DLGAP3: variants seen among roughly 807,000 people sequenced by gnomAD.
DLGAP3 encodes the protein DLG associated protein 3.
Under a neutral mutation model 81.2 loss-of-function variants are expected in DLGAP3, and 17 were observed. The observed-to-expected ratio is 0.21, with a 90% CI of 0.14 to 0.31. The LOEUF (loss-of-function observed/expected upper bound fraction) is 0.31. Ranked by LOEUF, DLGAP3 falls within the 10% of genes least tolerant of loss-of-function variation. DLGAP3 has a pLI of 1.00. For missense variants in DLGAP3, 1,124 were observed against 1,388.0 expected (o/e 0.81, Z 3.02); for synonymous variants, 577 against 587.4 (o/e 0.98, Z 0.26).
At position 34,929,140 on chromosome 1, in the gene DLGAP3, C is replaced by T. The variant is rs1639918357; in HGVS notation, c.-135+311G>A. ...CCCACAACCAGCTGGCTACTCCCTC[C>T]CAGACCCGAGCCTCCAGCCGGGCGA... On this transcript the variant is annotated intron_variant, in intron 1 of 11. Coordinates refer to ENST00000373347, the MANE Select transcript of DLGAP3 (RefSeq NM_001080418.3). This position sits in a 1 kb window ranked among gnomAD's most constrained non-coding sequence, Gnocchi z 6.5. Among the ~76,000 whole-genome samples, 1 of 152,006 alleles carries T rather than the reference C, an allele frequency of 6.6e-6. No homozygotes were observed. The highest frequency in any genetic ancestry group is 1.5e-5 in the Non-Finnish European group (1 of 67,890).
intron 8 of DLGAP3, 88 bp downstream of exon 8, chr1:34,884,890 G>T (rs145862535): frequency 1.9e-6 from 2 of 1,026,092 alleles, no homozygotes; most frequent in African/African-American, 1.6e-5. Context: ...AAGAGGATGT[G>T]CAGGGAGACT....
chr1:34,871,155 C>CA (rs1638973022), intron 8 of DLGAP3, among the ~76,000 whole-genome samples: 1 of 152,128 alleles, frequency 6.6e-6, no homozygotes, highest in Non-Finnish European at 1.5e-5. Context: ...AAAACCCTTC[C>CA]ACAGCCCCCT....
At chr1:34,910,740 C>T (rs1174153148) in intron 1 of DLGAP3, among the ~76,000 whole-genome samples, 1 of 152,172 alleles carries the variant, frequency 6.6e-6, no homozygotes, top group African/African-American at 2.4e-5. Flanking sequence ...TCAGATCCCC[C>T]TGCTGTTTGC....
chr1:34,892,064 C>T (rs1639319242), intron 5 of DLGAP3, among the ~76,000 whole-genome samples: 1 of 151,970 alleles, frequency 6.6e-6, no homozygotes, highest in South Asian at 2.1e-4. Context: ...TACAAGGCAG[C>T]TATTATAAAT....
chr1:34,894,840 A>G (rs1476257896), intron 5 of DLGAP3, among the ~76,000 whole-genome samples: 1 of 152,206 alleles, frequency 6.6e-6, no homozygotes, highest in Non-Finnish European at 1.5e-5. Context: ...AACAATAATA[A>G]TAGAGACTAA....
At chr1:34,910,344 G>A (rs1412920053) in intron 1 of DLGAP3, among the ~76,000 whole-genome samples, 1 of 152,142 alleles carries the variant, frequency 6.6e-6, no homozygotes, top group Non-Finnish European at 1.5e-5. Context: ...TCTCCTAACT[G>A]GTCTCCCTGC....
intron 11 of DLGAP3, 33 bp from the exon 12 acceptor site, chr1:34,866,334 G>A (rs1483972846): frequency 6.8e-7 from 1 of 1,475,920 alleles, no homozygotes; most frequent in Non-Finnish European, 9.0e-7. Flanking sequence ...GAGCTGGGGC[G>A]CCGAACCATC....
chr1:34,867,113 C>T lies in DLGAP3; in HGVS notation c.2656G>A (p.Val886Met). The change falls in exon 11 of 12, where the codon GTG (valine) becomes ATG (methionine). Residue 886 changes from valine to methionine, a missense_variant. Coordinates refer to ENST00000373347, the MANE Select transcript of DLGAP3 (RefSeq NM_001080418.3). This position sits in a 1 kb window ranked among gnomAD's most constrained non-coding sequence, Gnocchi z 4.3. ...TGTAGCTCCAGGAACTTGAGGGTCA[C>T]ATCCTCGATGGAGAGCTGTAGGAGG... The part of the protein sequence containing the change: ...WDLLQLSIED[V>M]TLKFLELQQL... 1 of 1,614,160 alleles carries T rather than the reference C, an allele frequency of 6.2e-7. No homozygotes were observed. The highest frequency in any genetic ancestry group is 1.1e-5 in the South Asian group (1 of 91,086).
chr1:34,891,591 T>G (rs1455614151), intron 5 of DLGAP3, among the ~76,000 whole-genome samples: 5 of 152,216 alleles, frequency 3.3e-5, no homozygotes, highest in Non-Finnish European at 7.3e-5. Context: ...AGCTTATATA[T>G]GTGTGCAGGG....
intron 8 of DLGAP3, among the ~76,000 whole-genome samples, chr1:34,883,818 A>G (rs1421180769): frequency 6.6e-6 from 1 of 152,034 alleles, no homozygotes; most frequent in African/African-American, 2.4e-5. Flanking sequence ...CAAACACAAG[A>G]CATCCCAAGG....
rs759351971 is a variant in DLGAP3 at position 34,904,793 on chromosome 1, C to T, written c.591G>A (p.Gly197=). ...LEAPGKRDYN[G]PKAEGRGGSG... is the part of the protein sequence containing the mutation. ...AGCCACCTCTTCCCTCAGCCTTGGGCCCATTATAGTCCCGCTTCCCCGGCG... is the reference window on the plus strand; with the variant it reads ...AGCCACCTCTTCCCTCAGCCTTGGGTCCATTATAGTCCCGCTTCCCCGGCG... Residue 197 remains glycine (G), a synonymous_variant, in exon 3 of 12, where the codon GGG becomes GGA. Transcript: ENST00000373347. The surrounding 1 kb of genome is among the most constrained non-coding windows in gnomAD (Gnocchi z 8.1). 6.2e-7 allele frequency: 1 copy of T among 1,610,868 alleles called. No individual in the cohort carries two copies. The highest frequency in any genetic ancestry group is 1.3e-5 in the African/African-American group (1 of 75,064).
chr1:34,898,441 C>T (rs1639407615), intron 5 of DLGAP3, among the ~76,000 whole-genome samples: 1 of 152,194 alleles, frequency 6.6e-6, no homozygotes, highest in Admixed American at 6.5e-5. Context: ...TAAGCATTAA[C>T]TCGTGGGTTT....
chr1:34,881,206 T>C lies in DLGAP3; in HGVS notation c.2000+3772A>G, dbSNP rs574555444. On this transcript the variant is annotated intron_variant, in intron 8 of 11. Coordinates refer to ENST00000373347, the MANE Select transcript of DLGAP3 (RefSeq NM_001080418.3). ...AACTGTTCAAAAATCTAATACTGTATATAAAAATAATATAGCAAAACTGTA... is the reference window on the plus strand; with the variant it reads ...AACTGTTCAAAAATCTAATACTGTACATAAAAATAATATAGCAAAACTGTA... Among the ~76,000 whole-genome samples, 5 of 152,338 alleles carry C rather than the reference T, an allele frequency of 3.3e-5. No individual in the cohort carries two copies. The South Asian group carries it at 8.3e-4, about 25-fold the overall frequency.
At chr1:34,906,336 C>T (rs929397864) in intron 2 of DLGAP3, among the ~76,000 whole-genome samples, 3 of 151,978 alleles carry the variant, frequency 2.0e-5, no homozygotes, top group Non-Finnish European at 4.4e-5. Context: ...CCCTGCCCTA[C>T]ACCCCACTGT....
intron 1 of DLGAP3, among the ~76,000 whole-genome samples, chr1:34,923,858 T>C (rs1380144755): frequency 1.3e-5 from 2 of 152,142 alleles, no homozygotes; most frequent in African/African-American, 2.4e-5. Flanking sequence ...CTGGTTCAGT[T>C]TGAGATCCCT....
Position 34,904,815 on chromosome 1 carries a change from G to A in DLGAP3, c.569C>T (p.Pro190Leu), listed in dbSNP as rs775524522. ...GGGCCCATTATAGTCCCGCTTCCCCGGCGCCTCCAGAGAGTGGGACTTGGC... is the reference window on the plus strand; with the variant it reads ...GGGCCCATTATAGTCCCGCTTCCCCAGCGCCTCCAGAGAGTGGGACTTGGC... ...LFAKSHSLEA[P>L]GKRDYNGPKA... The change falls in exon 3 of 12, where the codon CCG (proline) becomes CTG (leucine). Residue 190 changes from proline (P) to leucine (L), a missense_variant. Transcript: ENST00000373347. This position sits in a 1 kb window ranked among gnomAD's most constrained non-coding sequence, Gnocchi z 8.1. 31 of 1,610,084 alleles carry A rather than the reference G, an allele frequency of 1.9e-5. No homozygotes were observed. The highest frequency in any genetic ancestry group is 6.7e-5 in the Admixed American group (4 of 60,004).
chr1:34,878,091 G>A (rs1639085134), intron 8 of DLGAP3, among the ~76,000 whole-genome samples: 1 of 152,198 alleles, frequency 6.6e-6, no homozygotes, highest in African/African-American at 2.4e-5. Context: ...GATCACCTAA[G>A]GTCAGGAGTT....
Position 34,885,607 on chromosome 1 carries a change from C to T in DLGAP3, c.1785G>A (p.Leu595=). 2 of 1,581,842 alleles carry T rather than the reference C, an allele frequency of 1.3e-6. No homozygotes were observed. Among genetic ancestry groups the T allele is most frequent in the Non-Finnish European group, 1.7e-6 (2 of 1,169,510 alleles). ...CCCGGGGCGGCACCGGCGCCAACTCCAGTGTGCGCGCACCCATGGCGGGGC... is the reference window on the plus strand; with the variant it reads ...CCCGGGGCGGCACCGGCGCCAACTCTAGTGTGCGCGCACCCATGGCGGGGC... ...LDGPAMGART[L]ELAPVPPRAS... The change falls in exon 7 of 12, where the codon CTG becomes CTA. Residue 595 remains leucine (L), a synonymous_variant. Transcript: ENST00000373347.
chr1:34,901,117 G>A (rs1293068832), intron 3 of DLGAP3, among the ~76,000 whole-genome samples: 1 of 152,170 alleles, frequency 6.6e-6, no homozygotes, highest in African/African-American at 2.4e-5. Context: ...TGTTGAGCAG[G>A]TGGTTGGATG....
Sources: gnomAD v4.1 joint callset for allele counts (sites outside exome capture counted in the v4.1 genomes callset) on GRCh38, gnomAD v4.1.1 for gene constraint, Gnocchi (gnomAD v3.1) non-coding constraint, MANE v1.5 for transcripts, NCBI Gene and HGNC (gene_info 2026-07-23, HGNC 2026-07-21) for gene names.